The following CWC27 variants were observed in gnomAD, a reference collection of about 807,000 sequenced individuals.
CWC27 encodes CWC27 spliceosome associated cyclophilin.
CWC27 carries 47 observed loss-of-function variants against 63.6 expected under a neutral mutation model. The observed-to-expected ratio is 0.74, with a 90% CI of 0.58 to 0.94. The LOEUF (loss-of-function observed/expected upper bound fraction) is 0.94, where lower values mean the gene tolerates loss of function less well. Among genes scored for constraint, CWC27 ranks in the 40% least tolerant of loss-of-function variants. CWC27 has a pLI of 0.00. For missense variants in CWC27, 495 were observed against 554.3 expected (o/e 0.89, Z 1.07); for synonymous variants, 175 against 179.8 (o/e 0.97, Z 0.22).
chr5:64,936,121 A>G (rs1045275348), intron 11 of CWC27, among the ~76,000 whole-genome samples: 5 of 152,338 alleles, frequency 3.3e-5, no homozygotes, highest in Non-Finnish European at 7.3e-5. Flanking sequence ...CCCTGGCCAG[A>G]ACTTCCAATA....
intron 11 of CWC27, among the ~76,000 whole-genome samples, chr5:64,896,483 C>T (rs973568326): frequency 7.9e-5 from 12 of 151,920 alleles, no homozygotes; most frequent in Admixed American, 6.6e-5. Context: ...TAGTATATAA[C>T]TTTGGTGAGC....
chr5:64,907,542 A>G (rs1747676780), intron 11 of CWC27, among the ~76,000 whole-genome samples: 1 of 152,222 alleles, frequency 6.6e-6, no homozygotes, highest in Non-Finnish European at 1.5e-5. Flanking sequence ...GAAGTTGCTT[A>G]TCAGCTTAAG....
At chr5:64,801,362 T>C (rs1179604369) in intron 9 of CWC27, 30 bp downstream of exon 9, 4 of 1,300,464 alleles carry the variant, frequency 3.1e-6, no homozygotes, top group Non-Finnish European at 4.1e-6. Flanking sequence ...TTAATATAGT[T>C]TGAACAATTC....
rs1210475094 is a variant in CWC27 at position 64,826,112 on chromosome 5, TATCC to T, written c.938+21734_938+21737del. Among the ~76,000 whole-genome samples the T allele has an allele frequency of 4.0e-5, 6 of 151,572 alleles. No homozygotes were observed. In the South Asian group the frequency reaches 1.2e-3, roughly 31 times the overall value. On this transcript the variant is annotated intron_variant, in intron 10 of 13. Transcript: ENST00000381070. Reference sequence around the variant, plus strand: ...CTATCTATCTATCTATCTATCTATCTATCCATCCATCAATTATCTATTTATCTGT... The same window carrying T: ...CTATCTATCTATCTATCTATCTATCTATCCATCAATTATCTATTTATCTGT...
intron 10 of CWC27, 76 bp from the exon 11 acceptor site, chr5:64,885,367 C>T: frequency 2.1e-6 from 2 of 940,988 alleles, no homozygotes; most frequent in Non-Finnish European, 1.6e-6. Flanking sequence ...ATGTAGTATA[C>T]CAATGATTCT....
At chr5:64,911,318 C>G (rs1190349833) in intron 11 of CWC27, among the ~76,000 whole-genome samples, 1 of 152,002 alleles carries the variant, frequency 6.6e-6, no homozygotes, top group African/African-American at 2.4e-5. Context: ...TACTATTTTA[C>G]AAATAAATAG....
intron 11 of CWC27, among the ~76,000 whole-genome samples, chr5:64,905,853 G>T (rs1057262793): frequency 6.6e-6 from 1 of 151,906 alleles, no homozygotes; most frequent in Non-Finnish European, 1.5e-5. Flanking sequence ...GACAGGCCCC[G>T]GTGTGTGATG....
At chr5:64,791,348 G>GA (rs773230741) in intron 7 of CWC27, among the ~76,000 whole-genome samples, 9 of 152,066 alleles carry the variant, frequency 5.9e-5, no homozygotes, top group Non-Finnish European at 1.0e-4. Context: ...GTACAAAATA[G>GA]AAAAATGGTA....
At chr5:65,006,021 G>C (rs1749835372) in intron 13 of CWC27, among the ~76,000 whole-genome samples, 1 of 152,082 alleles carries the variant, frequency 6.6e-6, no homozygotes, top group South Asian at 2.1e-4. Context: ...TCTTTATATA[G>C]CTTGTTTTAA....
intron 7 of CWC27, among the ~76,000 whole-genome samples, chr5:64,793,266 G>A (rs1744141706): frequency 6.6e-6 from 1 of 152,002 alleles, no homozygotes; most frequent in Non-Finnish European, 1.5e-5. Flanking sequence ...CTTCACATGC[G>A]ATTGGATCTT....
intron 10 of CWC27, among the ~76,000 whole-genome samples, chr5:64,867,638 C>G (rs183800244): frequency 2.0e-5 from 3 of 152,154 alleles, no homozygotes; most frequent in Admixed American, 6.6e-5. Flanking sequence ...TAAGGAATTG[C>G]CTTGCAAATT....
chr5:64,935,914 G>A (rs1748341499), intron 11 of CWC27, among the ~76,000 whole-genome samples: 1 of 152,118 alleles, frequency 6.6e-6, no homozygotes, highest in Non-Finnish European at 1.5e-5. Context: ...TATTATTGAT[G>A]TATAGTAATA....
At chr5:64,856,358 G>A (rs1746258535) in intron 10 of CWC27, among the ~76,000 whole-genome samples, 1 of 151,782 alleles carries the variant, frequency 6.6e-6, no homozygotes. Flanking sequence ...TAAAACTGAT[G>A]GAGTCAGTTT....
intron 11 of CWC27, among the ~76,000 whole-genome samples, chr5:64,955,368 A>G (rs934655423): frequency 6.6e-6 from 1 of 152,192 alleles, no homozygotes; most frequent in Admixed American, 6.5e-5. Context: ...CCCTAACTTA[A>G]ATGGTAGATT....
chr5:64,839,493 A>G (rs1470821760), intron 10 of CWC27, among the ~76,000 whole-genome samples: 1 of 152,202 alleles, frequency 6.6e-6, no homozygotes, highest in African/African-American at 2.4e-5. Context: ...TAGGCCATAA[A>G]TGTAGCAGGA....
intron 10 of CWC27, among the ~76,000 whole-genome samples, chr5:64,841,609 TAA>T (rs1230986589): frequency 1.3e-5 from 2 of 152,210 alleles, no homozygotes; most frequent in Admixed American, 6.5e-5. Flanking sequence ...CATAAATATT[TAA>T]GAGTCTTTTT....
chr5:64,970,081 C>T (rs1482096117), intron 11 of CWC27, among the ~76,000 whole-genome samples: 2 of 152,090 alleles, frequency 1.3e-5, no homozygotes, highest in South Asian at 2.1e-4. Flanking sequence ...GCATTAACTG[C>T]CTCATGTAGG....
At chr5:64,785,351 A>G (rs892947205) in intron 4 of CWC27, 130 bp from the exon 5 acceptor site, 4 of 435,122 alleles carry the variant, frequency 9.2e-6, no homozygotes, top group African/African-American at 2.1e-5. Flanking sequence ...TGCATTATTA[A>G]ATGCATATAT....
intron 10 of CWC27, among the ~76,000 whole-genome samples, chr5:64,842,809 C>T (rs1014266613): frequency 1.3e-5 from 2 of 151,700 alleles, no homozygotes; most frequent in African/African-American, 4.8e-5. Context: ...GCCATGTTGC[C>T]CAAGCTGGTC....
Sources: allele counts gnomAD v4.1 joint callset (sites outside exome capture counted in the v4.1 genomes callset), GRCh38; gene constraint gnomAD v4.1.1; transcripts MANE v1.5; gene names NCBI Gene and HGNC (gene_info 2026-07-23, HGNC 2026-07-21).